SEPTIN7: variants seen among roughly 807,000 people sequenced by gnomAD.
SEPTIN7 encodes septin-7.
In SEPTIN7, 10 loss-of-function variants were observed where a neutral mutation model predicts 63.3. The observed-to-expected ratio is 0.16, with a 90% CI of 0.10 to 0.27. The LOEUF (loss-of-function observed/expected upper bound fraction) is 0.27, where lower values mean the gene tolerates loss of function less well. SEPTIN7 is among the 10% of genes least tolerant of loss of function. The pLI, the probability that SEPTIN7 is intolerant of heterozygous loss-of-function variation, is 1.00. For missense variants in SEPTIN7, 310 were observed against 521.0 expected (o/e 0.59, Z 3.94); for synonymous variants, 131 against 165.3 (o/e 0.79, Z 1.59).
intron 1 of SEPTIN7, among the ~76,000 whole-genome samples, chr7:35,829,099 A>G (rs1382878249): frequency 2.4e-5 from 3 of 125,636 alleles, no homozygotes; most frequent in Non-Finnish European, 5.0e-5. Context: ...CTTGTCCACT[A>G]CTTCACTTCA....
At chr7:35,864,594 G>A (rs1197039523) in intron 4 of SEPTIN7, among the ~76,000 whole-genome samples, 1 of 152,132 alleles carries the variant, frequency 6.6e-6, no homozygotes, top group African/African-American at 2.4e-5. Flanking sequence ...GTATACTGCA[G>A]TGATAATATT....
At chr7:35,831,539 T>G (rs769209551) in intron 2 of SEPTIN7, 43 bp downstream of exon 2, 12 of 411,274 alleles carry the variant, frequency 2.9e-5, no homozygotes, top group Admixed American at 2.2e-4. Flanking sequence ...TCAGTCTCAG[T>G]TAACTTAAAT....
rs1395369968 is a variant in SEPTIN7 at position 35,801,154 on chromosome 7, T to C, written c.-56T>C. On this transcript the variant is annotated 5_prime_UTR_variant, in exon 1 of 14. Transcript: ENST00000350320. ...ACGCTGCGGAATCGGCGTAGGCGCC[T>C]TTGGAGAATCGGCGGGCTGCGCTCC... 2.8e-6 allele frequency: 4 copies of C among 1,429,286 alleles called. No homozygotes were observed. The African/African-American group carries it at 6.0e-5, about 21-fold the overall frequency. 88.5% of individuals were successfully genotyped at this position (1,429,286 alleles called of 1,614,324 possible). A position where few individuals can be genotyped will look rare whatever the true frequency, so the allele number is the denominator to read the frequency against.
chr7:35,898,175 C>A, intron 11 of SEPTIN7, 73 bp from the exon 12 acceptor site: 2 of 1,198,540 alleles, frequency 1.7e-6, no homozygotes, highest in Non-Finnish European at 2.2e-6. Context: ...TTGTTTTCAT[C>A]AGCTGTTTCA....
intron 1 of SEPTIN7, among the ~76,000 whole-genome samples, chr7:35,814,698 G>A (rs533798172): frequency 1.3e-4 from 19 of 151,750 alleles, no homozygotes; most frequent in African/African-American, 4.4e-4. Flanking sequence ...GATTCTGACC[G>A]GGTGTGGTGG....
chr7:35,905,000 T>C lies in SEPTIN7; in HGVS notation c.*707T>C, dbSNP rs915517547. Reference sequence around the variant, plus strand: ...TTTCCATATATTGGCACTGCTAAAATAGAATATAGCATCTTTCATATGGTA... The same window carrying C: ...TTTCCATATATTGGCACTGCTAAAACAGAATATAGCATCTTTCATATGGTA... On this transcript the variant is annotated 3_prime_UTR_variant, in exon 14 of 14. Transcript: ENST00000350320. 2.0e-5 allele frequency: 3 copies of C among 152,630 alleles called. No individual in the cohort carries two copies. Among genetic ancestry groups the C allele is most frequent in the African/African-American group, 7.2e-5 (3 of 41,452 alleles). The allele number at this position is 152,630 out of a possible 1,614,324, so 9.5% of individuals were successfully genotyped here. A position where few individuals can be genotyped will look rare whatever the true frequency, so the allele number is the denominator to read the frequency against.
chr7:35,883,930 A>T lies in SEPTIN7; in HGVS notation c.763A>T (p.Ile255Phe). 1 of 1,610,602 alleles carries T rather than the reference A, an allele frequency of 6.2e-7. No individual in the cohort carries two copies. Among genetic ancestry groups the T allele is most frequent in the Non-Finnish European group, 8.5e-7 (1 of 1,178,146 alleles). ...TGCTGTGGTAGGTAGTAATACTATC[A>T]TTGAAGTTAATGGCAAAAGGGTCAG... ...PLAVVGSNTI[I>F]EVNGKRVRGR... is the part of the protein sequence containing the mutation. Residue 255 changes from isoleucine (I) to phenylalanine (F), a missense_variant, in exon 9 of 14, where the codon ATT becomes TTT. By Grantham distance (21) the Ile-to-Phe change is conservative. Coordinates refer to ENST00000350320, the MANE Select transcript of SEPTIN7 (RefSeq NM_001788.6).
At chr7:35,838,330 C>A (rs1420799652) in intron 3 of SEPTIN7, among the ~76,000 whole-genome samples, 1 of 1,700 alleles carries the variant, frequency 5.9e-4, no homozygotes, top group African/African-American at 3.4e-3. Context: ...CCCTCCCTCC[C>A]TCCCTCCCTC....
intron 8 of SEPTIN7, 108 bp from the exon 9 acceptor site, chr7:35,883,783 T>C (rs1026282231): frequency 9.2e-5 from 49 of 530,198 alleles, no homozygotes; most frequent in African/African-American, 9.2e-4. Context: ...CTATCGAAAG[T>C]AAATTTTTTT....
chr7:35,852,027 C>T (rs1487483381), intron 3 of SEPTIN7, among the ~76,000 whole-genome samples: 1 of 152,160 alleles, frequency 6.6e-6, no homozygotes, highest in Non-Finnish European at 1.5e-5. Flanking sequence ...GTCTACTTCA[C>T]CTTTGACCCT....
chr7:35,898,435 T>C, intron 12 of SEPTIN7, 52 bp downstream of exon 12: 2 of 1,186,206 alleles, frequency 1.7e-6, no homozygotes, highest in East Asian at 2.6e-5. Flanking sequence ...CCTTTTTAAG[T>C]AGTATCTTCA....
At chr7:35,841,403 C>G (rs1180458746) in intron 3 of SEPTIN7, among the ~76,000 whole-genome samples, 2 of 152,170 alleles carry the variant, frequency 1.3e-5, no homozygotes, top group East Asian at 3.8e-4. Context: ...TTTTGCTTCT[C>G]ATACATATAC....
chr7:35,848,481 A>T (rs141230507), intron 3 of SEPTIN7, among the ~76,000 whole-genome samples: 17 of 152,038 alleles, frequency 1.1e-4, no homozygotes, highest in African/African-American at 4.1e-4. Context: ...CATGTTAGCC[A>T]GGATGGTCTT....
chr7:35,824,644 T>C (rs1445700376), intron 1 of SEPTIN7, among the ~76,000 whole-genome samples: 1 of 152,220 alleles, frequency 6.6e-6, no homozygotes, highest in Non-Finnish European at 1.5e-5. Flanking sequence ...AATTAAGAAA[T>C]CTGAATTTTA....
intron 11 of SEPTIN7, among the ~76,000 whole-genome samples, chr7:35,893,327 T>C (rs575589899): frequency 6.6e-6 from 1 of 152,302 alleles, no homozygotes; most frequent in South Asian, 2.1e-4. Context: ...AATTTATAGT[T>C]AAATTGATCT....
At chr7:35,823,495 C>A (rs939395913) in intron 1 of SEPTIN7, among the ~76,000 whole-genome samples, 1 of 152,212 alleles carries the variant, frequency 6.6e-6, no homozygotes, top group Admixed American at 6.5e-5. Context: ...GCCACCGTGC[C>A]CAGCAACTTA....
chr7:35,900,423 A>G (rs544156969), intron 12 of SEPTIN7: 1 of 152,338 alleles, frequency 6.6e-6, no homozygotes, highest in Non-Finnish European at 1.5e-5. Context: ...ACCCCTAATC[A>G]AAAGTCACTG....
At chr7:35,861,741 A>G (rs1049049388) in intron 3 of SEPTIN7, among the ~76,000 whole-genome samples, 1 of 152,180 alleles carries the variant, frequency 6.6e-6, no homozygotes, top group African/African-American at 2.4e-5. Context: ...TAGGCAAAAC[A>G]GGAATCAGTT....
At chr7:35,816,327 A>G (rs1350629791) in intron 1 of SEPTIN7, among the ~76,000 whole-genome samples, 5 of 152,170 alleles carry the variant, frequency 3.3e-5, no homozygotes, top group Non-Finnish European at 7.4e-5. Flanking sequence ...ATGAGATCAT[A>G]TAATGTGACT....
Sources: gnomAD v4.1 joint callset for allele counts (sites outside exome capture counted in the v4.1 genomes callset) on GRCh38, gnomAD v4.1.1 for gene constraint, MANE v1.5 for transcripts, NCBI Gene and HGNC (gene_info 2026-07-23, HGNC 2026-07-21) for gene names.